The following GABBR2 variants were observed in gnomAD, a reference collection of about 807,000 sequenced individuals.
GABBR2 encodes G-protein coupled receptor 51.
In GABBR2, 23 loss-of-function variants were observed where a neutral mutation model predicts 105.6. That is an observed-to-expected ratio of 0.22 (90% confidence interval 0.16 to 0.31). GABBR2 has a LOEUF of 0.31. Ranked by LOEUF, GABBR2 falls within the 10% of genes least tolerant of loss-of-function variation. GABBR2 has a pLI of 1.00. For missense variants in GABBR2, 734 were observed against 1,245.5 expected, an observed-to-expected ratio of 0.59 and a Z score of 6.18; for synonymous variants, 478 against 499.7, an observed-to-expected ratio of 0.96 and a Z score of 0.58.
chr9:98,449,097 T>C (rs1161676690), intron 7 of GABBR2, among the ~76,000 whole-genome samples: 1 of 152,210 alleles, frequency 6.6e-6, no homozygotes, highest in Admixed American at 6.5e-5. Context: ...ACTGACGTGT[T>C]GAGCGTTGGG....
intron 13 of GABBR2, among the ~76,000 whole-genome samples, chr9:98,320,833 TGGGGGGA>T (rs1554690673): frequency 4.9e-5 from 1 of 20,556 alleles, no homozygotes; most frequent in South Asian, 1.6e-3. Flanking sequence ...TGTTGTGGTG[TGGGGGGA>T]GGGGGGAGGG....
chr9:98,400,088 G>A (rs1378183934), intron 8 of GABBR2, among the ~76,000 whole-genome samples: 2 of 151,256 alleles, frequency 1.3e-5, no homozygotes, highest in Non-Finnish European at 1.5e-5. Flanking sequence ...GGAGGCTGAG[G>A]AAGGAGGATG....
intron 2 of GABBR2, among the ~76,000 whole-genome samples, chr9:98,558,339 A>G (rs1406204771): frequency 6.6e-6 from 1 of 152,218 alleles, no homozygotes; most frequent in Non-Finnish European, 1.5e-5. Flanking sequence ...CCGTATCACC[A>G]GTGGGCTGAT....
At chr9:98,351,230 C>T (rs1246642125) in intron 13 of GABBR2, among the ~76,000 whole-genome samples, 1 of 152,108 alleles carries the variant, frequency 6.6e-6, no homozygotes, top group Non-Finnish European at 1.5e-5. Context: ...AAACCATTTA[C>T]ATTCAATGTT....
intron 15 of GABBR2, among the ~76,000 whole-genome samples, chr9:98,305,269 A>C (rs1181472564): frequency 6.6e-6 from 1 of 152,232 alleles, no homozygotes; most frequent in African/African-American, 2.4e-5. Flanking sequence ...GGCTACTAAA[A>C]ACAGTTATTT....
intron 6 of GABBR2, among the ~76,000 whole-genome samples, chr9:98,472,116 A>T (rs75662158): frequency 0.041 from 6,253 of 152,276 alleles, 202 homozygotes; most frequent in East Asian, 0.14. Flanking sequence ...TTTTCTTGAT[A>T]TAAAATTTGG....
intron 8 of GABBR2, among the ~76,000 whole-genome samples, chr9:98,395,142 T>C (rs1239257827): frequency 3.9e-5 from 6 of 152,130 alleles, no homozygotes; most frequent in Non-Finnish European, 7.4e-5. Context: ...GAAATGGAAA[T>C]GGGGATCAGA....
At chr9:98,569,285 T>C (rs887503125) in intron 2 of GABBR2, among the ~76,000 whole-genome samples, 28 of 152,246 alleles carry the variant, frequency 1.8e-4, no homozygotes, top group Admixed American at 1.8e-3. Flanking sequence ...GATTCTGGCC[T>C]GGGTGGGTTT....
At chr9:98,592,261 A>G (rs1490080860) in intron 1 of GABBR2, among the ~76,000 whole-genome samples, 1 of 152,224 alleles carries the variant, frequency 6.6e-6, no homozygotes, top group Non-Finnish European at 1.5e-5. Context: ...TATGACTGCC[A>G]CAGATGATCT....
rs1564026872 is a variant in GABBR2, at chr9:98,349,344, G to GTTTTTTTTT, written c.1893+13370_1893+13371insAAAAAAAAA. On this transcript the variant is annotated intron_variant, in intron 13 of 18. Coordinates refer to ENST00000259455, the MANE Select transcript of GABBR2 (RefSeq NM_005458.8). ...TTTGGTTTGCCAATATTTTGTTGAA[G>GTTTTTTTTT]TTTTGTTTTTTTTTTTTTTTTTTTT... Among the ~76,000 whole-genome samples the GTTTTTTTTT allele has an allele frequency of 2.6e-4, 27 of 105,502 alleles. 6 individuals carry two copies. Among genetic ancestry groups the GTTTTTTTTT allele is most frequent in the Non-Finnish European group, 4.1e-4 (23 of 55,462 alleles). 69.2% of individuals were successfully genotyped at this position (105,502 alleles called of 152,430 possible).
intron 7 of GABBR2, among the ~76,000 whole-genome samples, chr9:98,430,313 T>C (rs1361738280): frequency 1.3e-5 from 2 of 151,034 alleles, no homozygotes; most frequent in Non-Finnish European, 2.9e-5. Context: ...AAAAAAAAGT[T>C]CCTTGAAATA....
intron 1 of GABBR2, among the ~76,000 whole-genome samples, chr9:98,683,834 C>A (rs1301794772): frequency 6.6e-6 from 1 of 151,630 alleles, no homozygotes; most frequent in Non-Finnish European, 1.5e-5. Context: ...ACGGTGAAAC[C>A]CGTCTCTACT....
intron 14 of GABBR2, among the ~76,000 whole-genome samples, chr9:98,310,798 G>A (rs1248022228): frequency 6.6e-6 from 1 of 152,172 alleles, no homozygotes; most frequent in African/African-American, 2.4e-5. Context: ...GTAAGGCACA[G>A]CCACGAGTTT....
chr9:98,689,737 A>G (rs1401403016), intron 1 of GABBR2, among the ~76,000 whole-genome samples: 1 of 152,230 alleles, frequency 6.6e-6, no homozygotes, highest in South Asian at 2.1e-4. Context: ...TCCTAACGCT[A>G]TTATGTCAGT....
intron 6 of GABBR2, among the ~76,000 whole-genome samples, chr9:98,468,510 T>C (rs1370992991): frequency 1.3e-5 from 2 of 152,188 alleles, no homozygotes; most frequent in Non-Finnish European, 2.9e-5. Flanking sequence ...GTAATTAAGA[T>C]AAGCATATTT....
rs923742972 is a variant in GABBR2, at chr9:98,512,961, C to T, written c.631-16447G>A. Among the ~76,000 whole-genome samples, 44 of 151,520 alleles carry T rather than the reference C, an allele frequency of 2.9e-4. 1 individual carries two copies. In the South Asian group the frequency reaches 3.1e-3, roughly 11 times the overall value. Reference sequence around the variant, plus strand: ...CCGCATCACCAAGTCAATCCTAAGCCAAAAGAACAAAGCTGGAGGCATCAC... The same window carrying T: ...CCGCATCACCAAGTCAATCCTAAGCTAAAAGAACAAAGCTGGAGGCATCAC... On this transcript the variant is annotated intron_variant, in intron 3 of 18. Coordinates refer to ENST00000259455, the MANE Select transcript of GABBR2 (RefSeq NM_005458.8).
chr9:98,338,997 C>T (rs138538584), intron 13 of GABBR2, among the ~76,000 whole-genome samples: 9 of 152,238 alleles, frequency 5.9e-5, no homozygotes, highest in African/African-American at 9.6e-5. Flanking sequence ...GAAAACATTA[C>T]GCTAAGTGAA....
chr9:98,416,705 T>C (rs992392840), intron 7 of GABBR2, among the ~76,000 whole-genome samples: 2 of 152,264 alleles, frequency 1.3e-5, no homozygotes, highest in African/African-American at 4.8e-5. Flanking sequence ...TCTGAGCTCC[T>C]GGGTTCTGAA....
chr9:98,692,859 A>G (rs1419319513), intron 1 of GABBR2, among the ~76,000 whole-genome samples: 1 of 152,250 alleles, frequency 6.6e-6, no homozygotes, highest in Non-Finnish European at 1.5e-5. Context: ...TGCCTCATTC[A>G]GTAACACCCT....
Sources: allele counts gnomAD v4.1 joint callset (sites outside exome capture counted in the v4.1 genomes callset), GRCh38; gene constraint gnomAD v4.1.1; transcripts MANE v1.5; gene names NCBI Gene and HGNC (gene_info 2026-07-23, HGNC 2026-07-21).